Variants in CDH12 observed in about 807,000 individuals in gnomAD.
The protein encoded by CDH12 is cadherin-12.
A neutral mutation model predicts 74.1 loss-of-function variants in CDH12; 41 were observed. The observed-to-expected ratio is 0.55, with a 90% CI of 0.43 to 0.72. The LOEUF (loss-of-function observed/expected upper bound fraction) is 0.72. CDH12 is among the 30% of genes least tolerant of loss of function. The pLI, the probability that CDH12 is intolerant of heterozygous loss-of-function variation, is 0.00. For missense variants in CDH12, 945 were observed against 977.2 expected, an observed-to-expected ratio of 0.97 and a Z score of 0.44; for synonymous variants, 399 against 355.0, an observed-to-expected ratio of 1.12 and a Z score of -1.39.
intron 1 of CDH12, among the ~76,000 whole-genome samples, chr5:22,765,654 G>A (rs1034644986): frequency 4.1e-4 from 63 of 151,970 alleles, no homozygotes; most frequent in Admixed American, 1.4e-3. Flanking sequence ...GTTTAAAAGC[G>A]TTTTTGTGAT....
intron 1 of CDH12, among the ~76,000 whole-genome samples, chr5:22,840,330 G>T (rs1404999221): frequency 6.6e-6 from 1 of 151,888 alleles, no homozygotes; most frequent in Non-Finnish European, 1.5e-5. Context: ...CACTGTGTTG[G>T]CCAGGATGGT....
At chr5:21,969,143 A>C (rs972991474) in intron 6 of CDH12, among the ~76,000 whole-genome samples, 1 of 151,380 alleles carries the variant, frequency 6.6e-6, no homozygotes, top group Non-Finnish European at 1.5e-5. Context: ...AAAAGTAAAA[A>C]ATCTAAAAGA....
chr5:22,112,598 T>C (rs1436641633), intron 4 of CDH12, among the ~76,000 whole-genome samples: 14 of 152,170 alleles, frequency 9.2e-5, no homozygotes, highest in Admixed American at 9.2e-4. Context: ...GGTCGTTTTT[T>C]TTCCCCTCAA....
intron 5 of CDH12, among the ~76,000 whole-genome samples, chr5:22,006,172 A>G (rs1210701493): frequency 6.7e-6 from 1 of 149,500 alleles, no homozygotes; most frequent in Non-Finnish European, 1.5e-5. Flanking sequence ...GTTTCAGGCC[A>G]CCTCTCTTCT....
chr5:21,880,308 G>A (rs1353248891), intron 6 of CDH12, among the ~76,000 whole-genome samples: 1 of 152,148 alleles, frequency 6.6e-6, no homozygotes, highest in Non-Finnish European at 1.5e-5. Flanking sequence ...CTTTTCTATA[G>A]AATCTGTTAG....
intron 3 of CDH12, among the ~76,000 whole-genome samples, chr5:22,214,413 T>C (rs1322435417): frequency 1.3e-5 from 2 of 152,194 alleles, no homozygotes; most frequent in Non-Finnish European, 2.9e-5. Flanking sequence ...AGTGTTATAG[T>C]AGAAAAGAGG....
Position 22,642,671 on chromosome 5 carries a change from T to A in CDH12, c.-522-137307A>T, listed in dbSNP as rs149690513. Among the ~76,000 whole-genome samples the A allele has an allele frequency of 5.6e-3, 857 of 152,242 alleles. 8 individuals are homozygous for A. Among genetic ancestry groups the A allele is most frequent in the African/African-American group, 0.02 (824 of 41,554 alleles). ...GACAATTTGACCATTTTGTTATATT[T>A]TATTTTTTAAAAATTGGAATAAATG... On this transcript the variant is annotated intron_variant, in intron 1 of 14. Coordinates refer to ENST00000382254, the MANE Select transcript of CDH12 (RefSeq NM_004061.5).
At chr5:22,830,356 T>G (rs1356238456) in intron 1 of CDH12, among the ~76,000 whole-genome samples, 1 of 152,160 alleles carries the variant, frequency 6.6e-6, no homozygotes, top group Non-Finnish European at 1.5e-5. Flanking sequence ...TGTATACATG[T>G]ATATATATGC....
At chr5:22,021,023 T>G (rs547433025) in intron 5 of CDH12, among the ~76,000 whole-genome samples, 1 of 152,312 alleles carries the variant, frequency 6.6e-6, no homozygotes, top group East Asian at 1.9e-4. Context: ...ATTCCTTATC[T>G]GAAATGCTTG....
At chr5:22,684,300 T>C (rs1439793128) in intron 1 of CDH12, among the ~76,000 whole-genome samples, 1 of 152,222 alleles carries the variant, frequency 6.6e-6, no homozygotes, top group Non-Finnish European at 1.5e-5. Context: ...ATCCTTTGAG[T>C]TACAAACAAT....
intron 1 of CDH12, among the ~76,000 whole-genome samples, chr5:22,547,594 A>C (rs1371259533): frequency 1.3e-5 from 2 of 152,214 alleles, no homozygotes; most frequent in Non-Finnish European, 2.9e-5. Context: ...ATTAAAATGT[A>C]CAGTAACATA....
chr5:22,224,569 C>T (rs1238399214), intron 3 of CDH12, among the ~76,000 whole-genome samples: 2 of 152,074 alleles, frequency 1.3e-5, no homozygotes, highest in Non-Finnish European at 2.9e-5. Context: ...TATGTAGGTA[C>T]GTATGTAGTT....
chr5:21,992,497 TTTA>T (rs1006558975), intron 5 of CDH12, among the ~76,000 whole-genome samples: 1 of 151,906 alleles, frequency 6.6e-6, no homozygotes, highest in Non-Finnish European at 1.5e-5. Flanking sequence ...AAGCTACTAA[TTTA>T]TTATTATTAT....
intron 1 of CDH12, among the ~76,000 whole-genome samples, chr5:22,624,319 A>G (rs1206458841): frequency 6.6e-6 from 1 of 151,624 alleles, no homozygotes; most frequent in Non-Finnish European, 1.5e-5. Context: ...ATGGGATCTA[A>G]TTAAACTAAA....
At chr5:22,846,128 C>T (rs955258724) in intron 1 of CDH12, among the ~76,000 whole-genome samples, 1 of 151,862 alleles carries the variant, frequency 6.6e-6, no homozygotes, top group Non-Finnish European at 1.5e-5. Flanking sequence ...ACCCTTAGGT[C>T]TTAAGAAATT....
intron 5 of CDH12, among the ~76,000 whole-genome samples, chr5:22,074,358 C>T (rs1580207604): frequency 6.6e-6 from 1 of 152,128 alleles, no homozygotes; most frequent in Admixed American, 6.6e-5. Context: ...ACCATAAAAA[C>T]CCTAGAAGAA....
chr5:22,444,944 T>G (rs1744766519), intron 2 of CDH12, among the ~76,000 whole-genome samples: 1 of 152,058 alleles, frequency 6.6e-6, no homozygotes, highest in African/African-American at 2.4e-5. Context: ...TATTTTTCTT[T>G]CAAAACAATA....
intron 1 of CDH12, among the ~76,000 whole-genome samples, chr5:22,780,613 C>T (rs918956610): frequency 2.6e-5 from 4 of 151,970 alleles, no homozygotes; most frequent in Non-Finnish European, 5.9e-5. Context: ...GGGATAACTG[C>T]CCCCATGATT....
intron 4 of CDH12, among the ~76,000 whole-genome samples, chr5:22,210,560 G>A (rs892696090): frequency 9.2e-5 from 14 of 151,442 alleles, no homozygotes; most frequent in African/African-American, 3.4e-4. Context: ...TGTGTATTGG[G>A]GATTTGTTGT....
Sources: gnomAD v4.1 joint callset for allele counts (sites outside exome capture counted in the v4.1 genomes callset) on GRCh38, gnomAD v4.1.1 for gene constraint, MANE v1.5 for transcripts, NCBI Gene and HGNC (gene_info 2026-07-23, HGNC 2026-07-21) for gene names.